GABRA5: variants seen among roughly 807,000 people sequenced by gnomAD.
The protein encoded by GABRA5 is gamma-aminobutyric acid receptor subunit alpha-5.
A neutral mutation model predicts 47.3 loss-of-function variants in GABRA5; 18 were observed. That is an observed-to-expected ratio of 0.38 (90% CI 0.26 to 0.56). GABRA5 has a LOEUF of 0.56. GABRA5 is among the 20% of genes least tolerant of loss of function. GABRA5 has a pLI of 0.71. For missense variants in GABRA5, 365 were observed against 599.3 expected, an observed-to-expected ratio of 0.61 and a Z score of 4.08; for synonymous variants, 237 against 229.3, an observed-to-expected ratio of 1.03 and a Z score of -0.30.
intron 10 of GABRA5, among the ~76,000 whole-genome samples, chr15:26,946,144 C>T (rs1033422986): frequency 5.9e-5 from 9 of 151,588 alleles, no homozygotes; most frequent in Non-Finnish European, 1.3e-4. Flanking sequence ...CTGACGCCTG[C>T]TCCACGCTTG....
chr15:26,943,199 T>C lies in GABRA5; in HGVS notation c.878-16T>C. ...CCTGTTTCCGTTTTTCACTCTGCCC[T>C]GCCTGACCCCCGCAGGGGTCACCAC... is the stretch of plus-strand genomic sequence containing the variant. On this transcript the variant is annotated splice_polypyrimidine_tract_variant and intron_variant, in intron 9 of 10. Coordinates refer to ENST00000335625, the MANE Select transcript of GABRA5 (RefSeq NM_000810.4). The C allele has an allele frequency of 6.5e-7, 1 of 1,545,844 alleles. No individual in the cohort carries two copies. Among genetic ancestry groups the C allele is most frequent in the Non-Finnish European group, 8.7e-7 (1 of 1,145,074 alleles).
intron 7 of GABRA5, among the ~76,000 whole-genome samples, chr15:26,918,687 A>G (rs1893772383): frequency 6.6e-6 from 1 of 152,162 alleles, no homozygotes; most frequent in South Asian, 2.1e-4. Context: ...CAATCTTTTT[A>G]TCATTACATA....
intron 3 of GABRA5, among the ~76,000 whole-genome samples, chr15:26,876,965 A>G (rs916784241): frequency 3.9e-5 from 6 of 152,182 alleles, no homozygotes; most frequent in Admixed American, 2.0e-4. Flanking sequence ...CTGTGGGGCC[A>G]TAGGGCTTGG....
At chr15:26,924,601 T>C (rs1416506891) in intron 7 of GABRA5, among the ~76,000 whole-genome samples, 1 of 152,182 alleles carries the variant, frequency 6.6e-6, no homozygotes, top group Non-Finnish European at 1.5e-5. Flanking sequence ...GCCCCCTTAG[T>C]CTGTGGCCTT....
intron 6 of GABRA5, among the ~76,000 whole-genome samples, chr15:26,893,413 GTT>G (rs1893082422): frequency 1.3e-4 from 1 of 7,820 alleles, no homozygotes; most frequent in Admixed American, 1.8e-3. Flanking sequence ...TGTTGTGTGT[GTT>G]GTGTGTGTAT....
chr15:26,891,987 G>A (rs1893018053), intron 6 of GABRA5, among the ~76,000 whole-genome samples: 1 of 152,224 alleles, frequency 6.6e-6, no homozygotes, highest in Admixed American at 6.5e-5. Context: ...AGCGCACCGG[G>A]TGGTGGAAAA....
In GABRA5 at chr15:26,867,596, G is replaced by T. The variant is rs528446747; in HGVS notation, c.-140+485G>T. ...GGCGACTGCGGGGCTGAAGCCGGGC[G>T]CGGGAGAGAGCGGGGTCCGGGCGGC... is the stretch of plus-strand genomic sequence containing the variant. On this transcript the variant is annotated intron_variant, in intron 1 of 10. Coordinates refer to ENST00000335625, the MANE Select transcript of GABRA5 (RefSeq NM_000810.4). This position sits in a 1 kb window ranked among gnomAD's most constrained non-coding sequence, Gnocchi z 5.9. 1.3e-5 allele frequency among the ~76,000 whole-genome samples: 2 copies of T among 152,016 alleles called. No individual in the cohort carries two copies. The highest frequency in any genetic ancestry group is 2.9e-5 in the Non-Finnish European group (2 of 67,974).
chr15:26,903,806 TG>T (rs1156908962), intron 6 of GABRA5, among the ~76,000 whole-genome samples: 35 of 152,100 alleles, frequency 2.3e-4, no homozygotes, highest in African/African-American at 6.3e-4. Context: ...CAGGATGTTT[TG>T]TTTTTTTTTC....
chr15:26,943,590 C>T (rs1253884582), intron 10 of GABRA5, among the ~76,000 whole-genome samples, 164 bp downstream of exon 10: 1 of 152,202 alleles, frequency 6.6e-6, no homozygotes, highest in Non-Finnish European at 1.5e-5. Flanking sequence ...GACAACAGGT[C>T]CAATTTCACT....
chr15:26,895,150 G>C (rs1184885062), intron 6 of GABRA5, among the ~76,000 whole-genome samples: 1 of 151,902 alleles, frequency 6.6e-6, no homozygotes, highest in Non-Finnish European at 1.5e-5. Flanking sequence ...TACTGCTGCA[G>C]GTCGCCCACC....
chr15:26,888,552 G>A (rs778458775), intron 6 of GABRA5, among the ~76,000 whole-genome samples: 7 of 152,090 alleles, frequency 4.6e-5, no homozygotes, highest in African/African-American at 7.2e-5. Flanking sequence ...TTGTTTTCTC[G>A]GGTGAGGGGA....
chr15:26,874,147 T>A (rs1193804517), intron 3 of GABRA5, among the ~76,000 whole-genome samples: 5 of 152,094 alleles, frequency 3.3e-5, no homozygotes, highest in African/African-American at 1.2e-4. Flanking sequence ...TCAAATTGCA[T>A]AAGATGCTCA....
chr15:26,893,982 A>G (rs1595405766), intron 6 of GABRA5, among the ~76,000 whole-genome samples: 1 of 152,030 alleles, frequency 6.6e-6, no homozygotes, highest in Non-Finnish European at 1.5e-5. Context: ...AAGGCTGGTC[A>G]CTGTTTCCTT....
chr15:26,868,821 C>T (rs530834553), intron 2 of GABRA5, 28 bp downstream of exon 2: 21 of 157,398 alleles, frequency 1.3e-4, no homozygotes, highest in Middle Eastern at 3.3e-3. Flanking sequence ...GTGGATTTGA[C>T]GGATACAAAA....
chr15:26,929,387 C>T (rs1894037735), intron 7 of GABRA5, among the ~76,000 whole-genome samples: 1 of 152,206 alleles, frequency 6.6e-6, no homozygotes, highest in African/African-American at 2.4e-5. Context: ...CAGATTAGCC[C>T]TCCTTGGCCC....
intron 3 of GABRA5, among the ~76,000 whole-genome samples, chr15:26,879,339 A>C (rs1892671453): frequency 1.3e-5 from 2 of 152,122 alleles, no homozygotes; most frequent in Admixed American, 6.5e-5. Context: ...CCCCTGCAAA[A>C]CTCTGAAGAA....
chr15:26,895,689 T>G (rs919144999), intron 6 of GABRA5, among the ~76,000 whole-genome samples: 2 of 151,770 alleles, frequency 1.3e-5, no homozygotes, highest in African/African-American at 4.8e-5. Flanking sequence ...GGCACTCGCC[T>G]GTAATCCCAG....
At chr15:26,940,716 G>A (rs1204914852) in intron 9 of GABRA5, among the ~76,000 whole-genome samples, 1 of 152,184 alleles carries the variant, frequency 6.6e-6, no homozygotes, top group East Asian at 1.9e-4. Context: ...AGATACAATA[G>A]TAATAAATTA....
At chr15:26,921,159 C>T (rs752719632) in intron 7 of GABRA5, among the ~76,000 whole-genome samples, 1 of 151,764 alleles carries the variant, frequency 6.6e-6, no homozygotes, top group Non-Finnish European at 1.5e-5. Context: ...GAAGTATTCC[C>T]ACCTTTTTTA....
Sources: allele counts gnomAD v4.1 joint callset (sites outside exome capture counted in the v4.1 genomes callset), GRCh38; gene constraint gnomAD v4.1.1; non-coding constraint Gnocchi (gnomAD v3.1); transcripts MANE v1.5; gene names NCBI Gene and HGNC (gene_info 2026-07-23, HGNC 2026-07-21).